PRDM2: variants seen among roughly 807,000 people sequenced by gnomAD.
The protein encoded by PRDM2 is PR/SET domain 2.
Under a neutral mutation model 130.0 loss-of-function variants are expected in PRDM2, and 30 were observed. That is an observed-to-expected ratio of 0.23 (90% CI 0.17 to 0.31). PRDM2 has a LOEUF of 0.31. Ranked by LOEUF, PRDM2 falls within the 10% of genes least tolerant of loss-of-function variation. PRDM2 has a pLI of 1.00. For missense variants in PRDM2, 2,011 were observed against 2,108.4 expected, an observed-to-expected ratio of 0.95 and a Z score of 0.90; for synonymous variants, 871 against 782.4, an observed-to-expected ratio of 1.11 and a Z score of -1.89.
At chr1:13,792,287 A>G (rs1337100687) in intron 8 of PRDM2, among the ~76,000 whole-genome samples, 2 of 152,232 alleles carry the variant, frequency 1.3e-5, no homozygotes, top group Non-Finnish European at 2.9e-5. Flanking sequence ...AATTTGTGGC[A>G]CAGGTAAGTT....
chr1:13,749,262 C>G (rs1643722460), intron 5 of PRDM2, 99 bp from the exon 6 acceptor site: 1 of 1,144,604 alleles, frequency 8.7e-7, no homozygotes, highest in Middle Eastern at 3.9e-4. Flanking sequence ...CAGCTGTTTG[C>G]CATCGGCGCC....
intron 1 of PRDM2, among the ~76,000 whole-genome samples, chr1:13,708,746 T>TA (rs1642282844): frequency 6.6e-6 from 1 of 152,198 alleles, no homozygotes; most frequent in Non-Finnish European, 1.5e-5. Context: ...TACTCTGTGT[T>TA]AAACATTGTC....
chr1:13,738,008 T>C, intron 4 of PRDM2, among the ~76,000 whole-genome samples: 1 of 152,114 alleles, frequency 6.6e-6, no homozygotes, highest in East Asian at 1.9e-4. Context: ...CTATGTGGCT[T>C]CATGAAGTTC....
chr1:13,725,348 G>A (rs752437522), intron 2 of PRDM2, among the ~76,000 whole-genome samples: 1 of 152,128 alleles, frequency 6.6e-6, no homozygotes, highest in Non-Finnish European at 1.5e-5. Context: ...GGGATTACAG[G>A]TGTGCGCCAC....
intron 8 of PRDM2, among the ~76,000 whole-genome samples, chr1:13,814,640 C>A (rs1394746247): frequency 6.6e-6 from 1 of 152,204 alleles, no homozygotes; most frequent in African/African-American, 2.4e-5. Flanking sequence ...GTAGCAGCAC[C>A]CTTCCCTCAG....
chr1:13,811,954 C>G (rs1444472518), intron 8 of PRDM2, among the ~76,000 whole-genome samples: 4 of 152,184 alleles, frequency 2.6e-5, no homozygotes, highest in African/African-American at 9.7e-5. Flanking sequence ...AAGAGCTTGG[C>G]CTGGCTGAGA....
At position 13,771,890 on chromosome 1, in the gene PRDM2, A is replaced by G. The variant is rs899998137; in HGVS notation, c.512-1188A>G. On this transcript the variant is annotated intron_variant, in intron 6 of 9. Coordinates refer to ENST00000311066, the MANE Select transcript of PRDM2 (RefSeq NM_001393986.1). The surrounding 1 kb of genome is among the most constrained non-coding windows in gnomAD (Gnocchi z 4.1). ...GCTTTGTATTGTATTTGATGTTTCT[A>G]CTTTTAATCTAGATGTTTTCAATGA... 13 of 152,116 alleles carry G rather than the reference A, an allele frequency of 8.5e-5. No homozygotes were observed. Among genetic ancestry groups the G allele is most frequent in the Non-Finnish European group, 1.5e-4 (10 of 68,002 alleles). 9.4% of individuals were successfully genotyped at this position (152,116 alleles called of 1,614,324 possible). A position where few individuals can be genotyped will look rare whatever the true frequency, so the allele number is the denominator to read the frequency against.
At chr1:13,819,404 C>T (rs904086468) in intron 9 of PRDM2, among the ~76,000 whole-genome samples, 2 of 152,186 alleles carry the variant, frequency 1.3e-5, no homozygotes, top group South Asian at 2.1e-4. Context: ...ACGTCATTTG[C>T]CTCTGCATCT....
In PRDM2 at chr1:13,781,543, G is replaced by C. The variant is rs986068413; in HGVS notation, c.3748G>C (p.Glu1250Gln). 10 of 1,612,278 alleles carry C rather than the reference G, an allele frequency of 6.2e-6. No homozygotes were observed. The highest frequency in any genetic ancestry group is 8.5e-6 in the Non-Finnish European group (10 of 1,179,970). Reference protein sequence around the residue: ...AHVEHMQSLPEDPLETSKEEE... With the variant: ...AHVEHMQSLPQDPLETSKEEE... The stretch of plus-strand genomic sequence containing the variant: ...TGTAGAGCATATGCAGAGCTTGCCA[G>C]AAGATCCTTTAGAAACTTCTAAAGA... The change falls in exon 8 of 10, where the codon GAA becomes CAA. Residue 1250 changes from glutamate (E) to glutamine (Q), a missense_variant. Around this residue, in one of 5 missense-constraint regions of PRDM2, gnomAD observed 229 missense variants for 364.1 expected, o/e 0.63. Coordinates refer to ENST00000311066, the MANE Select transcript of PRDM2 (RefSeq NM_001393986.1). This position sits in a 1 kb window ranked among gnomAD's most constrained non-coding sequence, Gnocchi z 6.1.
At chr1:13,800,649 C>T (rs1261928568) in intron 8 of PRDM2, among the ~76,000 whole-genome samples, 1 of 152,210 alleles carries the variant, frequency 6.6e-6, no homozygotes, top group South Asian at 2.1e-4. Context: ...TGCGGTCAGG[C>T]AGCATGTTTG....
Position 13,780,984 on chromosome 1 carries a change from G to C in PRDM2, c.3189G>C (p.Ser1063=). 1 of 1,599,436 alleles carries C rather than the reference G, an allele frequency of 6.3e-7. No homozygotes were observed. Residue 1063 remains serine (S), a synonymous_variant, in exon 8 of 10, where the codon TCG becomes TCC. Transcript: ENST00000311066. ...SSSSSSSSSS[S]FSSSSSSSSP... ...CCTCTTCATCTTCCTCCTCCTCTTC[G>C]TTTTCTTCTTCATCTTCCTCCTCTT... is the stretch of plus-strand genomic sequence containing the variant.
At chr1:13,718,740 C>G (rs980650872) in intron 2 of PRDM2, among the ~76,000 whole-genome samples, 3 of 152,148 alleles carry the variant, frequency 2.0e-5, no homozygotes, top group African/African-American at 7.2e-5. Flanking sequence ...GTCATTGTGC[C>G]TCCTCCCCTG....
At chr1:13,778,338 C>A in intron 7 of PRDM2, 80 bp from the exon 8 acceptor site, 1 of 1,388,466 alleles carries the variant, frequency 7.2e-7, no homozygotes, top group Non-Finnish European at 9.8e-7. Flanking sequence ...AGAGAAATAA[C>A]TTGAATCATT....
chr1:13,722,259 G>C (rs1374058903), intron 2 of PRDM2, among the ~76,000 whole-genome samples: 1 of 152,166 alleles, frequency 6.6e-6, no homozygotes, highest in Non-Finnish European at 1.5e-5. Context: ...GTTGCGAGTT[G>C]TTGGGAATGT....
At chr1:13,737,192 A>C (rs1453760805) in intron 4 of PRDM2, among the ~76,000 whole-genome samples, 1 of 152,224 alleles carries the variant, frequency 6.6e-6, no homozygotes, top group Non-Finnish European at 1.5e-5. Context: ...AAAGGTTTAG[A>C]TCACCAGGGA....
At chr1:13,814,629 G>A (rs933390196) in intron 8 of PRDM2, among the ~76,000 whole-genome samples, 5 of 152,280 alleles carry the variant, frequency 3.3e-5, no homozygotes, top group African/African-American at 4.8e-5. Flanking sequence ...TCCAGATGCC[G>A]GTAGCAGCAC....
Position 13,779,293 on chromosome 1 carries a change from C to G in PRDM2, c.1498C>G (p.Arg500Gly). Reference protein sequence around the residue: ...KVFGTHTNMRRHQRRVHERHL... With the variant: ...KVFGTHTNMRGHQRRVHERHL... ...TTTTGGAACTCATACTAATATGAGA[C>G]GGCATCAGCGTAGAGTTCACGAACG... The change falls in exon 8 of 10, where the codon CGG (arginine) becomes GGG (glycine). Residue 500 changes from arginine (R) to glycine (G), a missense_variant. Coordinates refer to ENST00000311066, the MANE Select transcript of PRDM2 (RefSeq NM_001393986.1). This position sits in a 1 kb window ranked among gnomAD's most constrained non-coding sequence, Gnocchi z 4.9. The G allele has an allele frequency of 6.2e-7, 1 of 1,613,908 alleles. No individual in the cohort carries two copies. Among genetic ancestry groups the G allele is most frequent in the Non-Finnish European group, 8.5e-7 (1 of 1,179,878 alleles).
chr1:13,777,345 C>T (rs1036318385), intron 7 of PRDM2, among the ~76,000 whole-genome samples: 1 of 151,992 alleles, frequency 6.6e-6, no homozygotes, highest in Non-Finnish European at 1.5e-5. Flanking sequence ...CACTATCTTC[C>T]TTGTAGTAAC....
intron 8 of PRDM2, among the ~76,000 whole-genome samples, chr1:13,816,016 A>C (rs1645250350): frequency 6.6e-6 from 1 of 152,042 alleles, no homozygotes; most frequent in South Asian, 2.1e-4. Flanking sequence ...GCCTGGCAGG[A>C]GGGGAGAGCA....
Sources: allele counts gnomAD v4.1 joint callset (sites outside exome capture counted in the v4.1 genomes callset), GRCh38; gene constraint gnomAD v4.1.1; regional missense constraint gnomAD v4.1.1; non-coding constraint Gnocchi (gnomAD v3.1); transcripts MANE v1.5; gene names NCBI Gene and HGNC (gene_info 2026-07-23, HGNC 2026-07-21).